The following ORC5 variants were observed in gnomAD, a reference collection of about 807,000 sequenced individuals.
ORC5 encodes the protein protein phosphatase 1, regulatory subunit 117.
Under a neutral mutation model 58.8 loss-of-function variants are expected in ORC5, and 39 were observed. That is an observed-to-expected ratio of 0.66 (90% CI 0.51 to 0.87). The LOEUF (loss-of-function observed/expected upper bound fraction) is 0.87. Among genes scored for constraint, ORC5 ranks in the 40% least tolerant of loss-of-function variants. The pLI is 0.00. For synonymous variants in ORC5, 218 were observed against 177.6 expected, an observed-to-expected ratio of 1.23 and a Z score of -1.81; for missense variants, 493 against 506.3, an observed-to-expected ratio of 0.97 and a Z score of 0.25.
At chr7:104,177,769 G>A (rs896808209) in intron 8 of ORC5, among the ~76,000 whole-genome samples, 19 of 152,084 alleles carry the variant, frequency 1.2e-4, no homozygotes, top group East Asian at 9.7e-4. Flanking sequence ...GTTCCCCTCC[G>A]TGTCCATGTG....
intron 2 of ORC5, 120 bp from the exon 3 acceptor site, chr7:104,201,078 C>T (rs1799931990): frequency 2.8e-6 from 2 of 726,230 alleles, no homozygotes; most frequent in Non-Finnish European, 4.6e-6. Context: ...CCACCCCATG[C>T]CCCAAGAGCC....
intron 8 of ORC5, among the ~76,000 whole-genome samples, chr7:104,183,498 C>A (rs897334886): frequency 5.8e-4 from 89 of 152,236 alleles, no homozygotes; most frequent in Non-Finnish European, 1.2e-4. Context: ...AAAATCCTGA[C>A]AAACAGAGCC....
At chr7:104,163,688 T>C (rs1348914333) in intron 11 of ORC5, among the ~76,000 whole-genome samples, 1 of 152,142 alleles carries the variant, frequency 6.6e-6, no homozygotes, top group Non-Finnish European at 1.5e-5. Flanking sequence ...AGCCGGGGTT[T>C]CACCATGTTA....
chr7:104,187,719 TAAA>T, intron 6 of ORC5: 1 of 771,130 alleles, frequency 1.3e-6, no homozygotes, highest in Non-Finnish European at 1.6e-6. Flanking sequence ...TTCTAATTGT[TAAA>T]AAAAAAAAAT....
chr7:104,197,137 T>C (rs527533794), intron 4 of ORC5, among the ~76,000 whole-genome samples: 1 of 152,296 alleles, frequency 6.6e-6, no homozygotes, highest in East Asian at 1.9e-4. Flanking sequence ...GTGCAACATA[T>C]AATGAAACCA....
chr7:104,170,894 C>T (rs6961262), intron 8 of ORC5, among the ~76,000 whole-genome samples: 65,190 of 151,910 alleles, frequency 0.43, 16,260 homozygotes, highest in Non-Finnish European at 0.58. Flanking sequence ...CACATCCTAC[C>T]TGATTATTTT....
chr7:104,155,759 T>C (rs1338284494), intron 12 of ORC5, among the ~76,000 whole-genome samples: 1 of 151,588 alleles, frequency 6.6e-6, no homozygotes, highest in African/African-American at 2.4e-5. Context: ...CTTAAAGAAC[T>C]GTACTCCTAT....
chr7:104,142,341 T>C lies in ORC5; in HGVS notation c.1150-5448A>G, dbSNP rs147737080. On this transcript the variant is annotated intron_variant, in intron 12 of 13. Coordinates refer to ENST00000297431, the MANE Select transcript of ORC5 (RefSeq NM_002553.4). ...TGATATTAGTTTTGGCAATGATTTT[T>C]TTGGATAGGCTGCCAAAAGCACAGG... is the stretch of plus-strand genomic sequence containing the variant. Among the ~76,000 whole-genome samples the C allele has an allele frequency of 2.8e-4, 42 of 152,262 alleles. 1 individual carries two copies. In the East Asian group the frequency reaches 7.7e-3, roughly 28 times the overall value.
intron 11 of ORC5, among the ~76,000 whole-genome samples, chr7:104,162,982 T>C (rs1799047814): frequency 6.6e-6 from 1 of 152,242 alleles, no homozygotes; most frequent in African/African-American, 2.4e-5. Context: ...CAATTGCTTT[T>C]TGAGATTTAT....
chr7:104,152,816 T>C (rs1798867252), intron 12 of ORC5, among the ~76,000 whole-genome samples: 1 of 152,150 alleles, frequency 6.6e-6, no homozygotes. Flanking sequence ...CCCACAAAAA[T>C]AAAGTACCAA....
chr7:104,184,179 T>C lies in ORC5; in HGVS notation c.685-8A>G. The C allele has an allele frequency of 2.0e-6, 3 of 1,507,074 alleles. No individual in the cohort carries two copies. The highest frequency in any genetic ancestry group is 2.7e-6 in the Non-Finnish European group (3 of 1,110,276). 93.4% of individuals were successfully genotyped at this position (1,507,074 alleles called of 1,614,324 possible). Reference sequence around the variant, plus strand: ...AGGAAAATTAAGTACTGCCTGTAAGTAAAGAAAAAAAAAGAGAAGAAAAAA... The same window carrying C: ...AGGAAAATTAAGTACTGCCTGTAAGCAAAGAAAAAAAAAGAGAAGAAAAAA... On this transcript the variant is annotated splice_polypyrimidine_tract_variant and splice_region_variant and intron_variant, in intron 6 of 13. Coordinates refer to ENST00000297431, the MANE Select transcript of ORC5 (RefSeq NM_002553.4).
intron 6 of ORC5, 52 bp from the exon 7 acceptor site, chr7:104,184,223 T>G: frequency 8.8e-7 from 1 of 1,142,424 alleles, no homozygotes; most frequent in South Asian, 1.4e-5. Context: ...TCGATCACAA[T>G]TAGAAATTTA....
chr7:104,145,401 T>G (rs1798739039), intron 12 of ORC5, among the ~76,000 whole-genome samples: 1 of 152,100 alleles, frequency 6.6e-6, no homozygotes, highest in African/African-American at 2.4e-5. Flanking sequence ...GTAAATAAAT[T>G]AATGACTTAG....
chr7:104,152,820 G>C (rs1798867328), intron 12 of ORC5, among the ~76,000 whole-genome samples: 1 of 152,076 alleles, frequency 6.6e-6, no homozygotes, highest in African/African-American at 2.4e-5. Context: ...CAAAAATAAA[G>C]TACCAATGTA....
In ORC5 at chr7:104,204,172, A is replaced by C; in HGVS notation, c.135T>G (p.Tyr45Ter). 6 of 1,596,478 alleles carry C rather than the reference A, an allele frequency of 3.8e-6. No homozygotes were observed. Among genetic ancestry groups the C allele is most frequent in the Non-Finnish European group, 5.1e-6 (6 of 1,169,504 alleles). Residue 45 changes from tyrosine to a stop codon, truncating the protein, a stop_gained, in exon 2 of 14, where the codon TAT becomes TAG. Coordinates refer to ENST00000297431, the MANE Select transcript of ORC5 (RefSeq NM_002553.4). LOFTEE classifies it high-confidence loss of function. ...IYGHTASGKT[Y>*]VTQTLLKTLE... ...AAGTTTTCAACAACGTTTGTGTTAC[A>C]TAGGTCTTTCCACTAGCAGTATGTC... is the stretch of plus-strand genomic sequence containing the variant.
At chr7:104,154,321 A>G (rs907902301) in intron 12 of ORC5, among the ~76,000 whole-genome samples, 1 of 152,064 alleles carries the variant, frequency 6.6e-6, no homozygotes, top group Non-Finnish European at 1.5e-5. Context: ...AATATTCAAC[A>G]AACAGGTTTG....
At chr7:104,175,223 A>G (rs1443366540) in intron 8 of ORC5, among the ~76,000 whole-genome samples, 1 of 152,178 alleles carries the variant, frequency 6.6e-6, no homozygotes, top group Non-Finnish European at 1.5e-5. Flanking sequence ...AAATGACATC[A>G]AGGAAAATTT....
rs777694550 is a variant in ORC5, at chr7:104,138,420, A to G, written c.1150-1527T>C. On this transcript the variant is annotated intron_variant, in intron 12 of 13. Coordinates refer to ENST00000297431, the MANE Select transcript of ORC5 (RefSeq NM_002553.4). The surrounding 1 kb of genome is among the most constrained non-coding windows in gnomAD (Gnocchi z 4.7). ...CAATAATATGGATTTAGGTCTTTTTAAGAGTTAGGTAGCTGGTTAGATGAG... is the reference window on the plus strand; with the variant it reads ...CAATAATATGGATTTAGGTCTTTTTGAGAGTTAGGTAGCTGGTTAGATGAG... Among the ~76,000 whole-genome samples the G allele has an allele frequency of 6.6e-6, 1 of 151,236 alleles. No individual in the cohort carries two copies. Among genetic ancestry groups the G allele is most frequent in the Non-Finnish European group, 1.5e-5 (1 of 68,032 alleles).
intron 12 of ORC5, among the ~76,000 whole-genome samples, chr7:104,157,864 C>A (rs1584491348): frequency 6.6e-6 from 1 of 152,034 alleles, no homozygotes; most frequent in African/African-American, 2.4e-5. Flanking sequence ...TACAATATAA[C>A]CCCATTCAAT....
Sources: allele counts gnomAD v4.1 joint callset (sites outside exome capture counted in the v4.1 genomes callset), GRCh38; gene constraint gnomAD v4.1.1; non-coding constraint Gnocchi (gnomAD v3.1); transcripts MANE v1.5; gene names NCBI Gene and HGNC (gene_info 2026-07-23, HGNC 2026-07-21).